Variants in NMT2 observed in about 807,000 individuals in gnomAD.
NMT2 encodes N-myristoyltransferase 2.
Under a neutral mutation model 65.4 loss-of-function variants are expected in NMT2, and 35 were observed. The ratio of observed to expected loss-of-function variants is 0.54; its 90% CI spans 0.41 to 0.71. NMT2 has a LOEUF of 0.71. NMT2 is among the 30% of genes least tolerant of loss of function. The pLI is 0.00. For synonymous variants in NMT2, 226 were observed against 231.8 expected (o/e 0.98, Z 0.23); for missense variants, 489 against 611.3 (o/e 0.80, Z 2.11).
chr10:15,143,908 T>A (rs960308110), intron 1 of NMT2, among the ~76,000 whole-genome samples: 1 of 152,084 alleles, frequency 6.6e-6, no homozygotes, highest in African/African-American at 2.4e-5. Context: ...CTAAAACAGA[T>A]AAACTCATGG....
chr10:15,135,533 C>T (rs976738253), intron 2 of NMT2, 115 bp from the exon 3 acceptor site: 1 of 1,057,920 alleles, frequency 9.5e-7, no homozygotes, highest in African/African-American at 1.6e-5. Flanking sequence ...AACAATCCTC[C>T]TCCAAGCCCA....
At chr10:15,160,266 G>A (rs2131629257) in intron 1 of NMT2, among the ~76,000 whole-genome samples, 1 of 152,274 alleles carries the variant, frequency 6.6e-6, no homozygotes, top group African/African-American at 2.4e-5. Context: ...GTGATTCCTG[G>A]GAGGAGGGTG....
intron 2 of NMT2, among the ~76,000 whole-genome samples, chr10:15,137,909 T>G (rs930318553): frequency 2.0e-5 from 3 of 152,136 alleles, no homozygotes; most frequent in Non-Finnish European, 4.4e-5. Context: ...AATTAGCTCA[T>G]GGGTTGACCA....
chr10:15,150,892 C>A (rs905608993), intron 1 of NMT2, among the ~76,000 whole-genome samples: 1 of 152,120 alleles, frequency 6.6e-6, no homozygotes, highest in Non-Finnish European at 1.5e-5. Flanking sequence ...ATCCCCCTTG[C>A]TAGCTTCTAG....
intron 1 of NMT2, among the ~76,000 whole-genome samples, chr10:15,165,029 G>A (rs946565923): frequency 1.3e-5 from 2 of 152,152 alleles, no homozygotes; most frequent in African/African-American, 4.8e-5. Flanking sequence ...TGGGCGTGGT[G>A]ATGCACGCCT....
rs1471754984 is a variant in NMT2 at position 15,107,336 on chromosome 10, G to T, written c.*1859C>A. 1 of 985,172 alleles carries T rather than the reference G, an allele frequency of 1.0e-6. No individual in the cohort carries two copies. The highest frequency in any genetic ancestry group is 1.2e-6 in the Non-Finnish European group (1 of 829,810). 61.0% of individuals were successfully genotyped at this position (985,172 alleles called of 1,614,324 possible). A position where few individuals can be genotyped will look rare whatever the true frequency, so the allele number is the denominator to read the frequency against. ...CCATAGTTTGGTGGCCCCTGCCTGG[G>T]ATAAGATATGATTGGTTTCACTGGA... On this transcript the variant is annotated 3_prime_UTR_variant, in exon 12 of 12. Transcript: ENST00000378165.
At chr10:15,139,289 TATCTATCC>T (rs1258775267) in intron 2 of NMT2, among the ~76,000 whole-genome samples, 3 of 146,590 alleles carry the variant, frequency 2.0e-5, no homozygotes, top group Admixed American at 6.7e-5. Flanking sequence ...TCTATCTATC[TATCTATCC>T]ATCCATCCAT....
At position 15,119,437 on chromosome 10, in the gene NMT2, A is replaced by C. The variant is rs909447093; in HGVS notation, c.1076T>G (p.Leu359Arg). ...CACTGGAGCCAGATGAAACTGCTTC[A>C]GGTAAGTGTTGATTAATTCTCGAAC... ...KSVRELINTY[L>R]KQFHLAPVMD... Residue 359 changes from leucine to arginine, a missense_variant, in exon 9 of 12, where the codon CTG (leucine) becomes CGG (arginine). Leu to Arg is a moderately radical substitution (Grantham distance 102, BLOSUM62 -2). Transcript: ENST00000378165. 6.2e-7 allele frequency: 1 copy of C among 1,614,112 alleles called. No individual in the cohort carries two copies. Among genetic ancestry groups the C allele is most frequent in the South Asian group, 1.1e-5 (1 of 91,088 alleles).
At chr10:15,156,938 C>T (rs1477708428) in intron 1 of NMT2, among the ~76,000 whole-genome samples, 1 of 151,862 alleles carries the variant, frequency 6.6e-6, no homozygotes, top group Non-Finnish European at 1.5e-5. Flanking sequence ...TTTTTAAAAA[C>T]TTCATTTGGA....
At chr10:15,146,092 A>T (rs1846954618) in intron 1 of NMT2, among the ~76,000 whole-genome samples, 2 of 152,102 alleles carry the variant, frequency 1.3e-5, no homozygotes, top group Admixed American at 6.5e-5. Flanking sequence ...GTCTTCAAGA[A>T]CTCAAGTCCC....
intron 1 of NMT2, among the ~76,000 whole-genome samples, chr10:15,166,214 T>TG (rs1242371222): frequency 1.3e-5 from 2 of 152,204 alleles, no homozygotes; most frequent in Non-Finnish European, 2.9e-5. Flanking sequence ...TACTGAGTGG[T>TG]GGGGTAAATG....
intron 8 of NMT2, among the ~76,000 whole-genome samples, chr10:15,126,122 T>C (rs1056655589): frequency 4.6e-5 from 7 of 151,738 alleles, no homozygotes; most frequent in African/African-American, 1.7e-4. Flanking sequence ...GTGATTTGGT[T>C]CTAACCAATA....
intron 9 of NMT2, among the ~76,000 whole-genome samples, chr10:15,114,933 C>T (rs1257820304): frequency 2.6e-5 from 4 of 151,854 alleles, no homozygotes; most frequent in Admixed American, 6.6e-5. Context: ...ACCCAAGAGG[C>T]GGAGGTTGCA....
chr10:15,167,478 T>C (rs1408360820), intron 1 of NMT2, among the ~76,000 whole-genome samples: 1 of 152,218 alleles, frequency 6.6e-6, no homozygotes, highest in Admixed American at 6.5e-5. Context: ...TCATGTTTTT[T>C]AAGCTGACCC....
chr10:15,159,200 C>T lies in NMT2; in HGVS notation c.110+9303G>A, dbSNP rs541650282. On this transcript the variant is annotated intron_variant, in intron 1 of 11. Coordinates refer to ENST00000378165, the MANE Select transcript of NMT2 (RefSeq NM_004808.3). ...TTCTTGGCCAGAAACCAGTGAGATC[C>T]TTTCTGGAGAATCTGAACTAAGGAA... is the stretch of plus-strand genomic sequence containing the variant. Among the ~76,000 whole-genome samples, 37 of 152,266 alleles carry T rather than the reference C, an allele frequency of 2.4e-4. No homozygotes were observed. In the South Asian group the frequency reaches 7.3e-3, roughly 30 times the overall value.
chr10:15,154,762 T>C (rs756474802), intron 1 of NMT2: 1 of 647,766 alleles, frequency 1.5e-6, no homozygotes, highest in East Asian at 3.4e-5. Context: ...ACAAAAGGAA[T>C]GGTCTGGTGG....
chr10:15,122,722 G>A (rs1392220843), intron 8 of NMT2, among the ~76,000 whole-genome samples: 5 of 152,188 alleles, frequency 3.3e-5, no homozygotes, highest in Admixed American at 6.5e-5. Flanking sequence ...CCTGGCCTAC[G>A]CTGTTAATAA....
chr10:15,130,274 T>C lies in NMT2; in HGVS notation c.758A>G (p.His253Arg). Reference protein sequence around the residue: ...KMVEINFLCVHKKLRSKRVAP... With the variant: ...KMVEINFLCVRKKLRSKRVAP... ...TACCCGTTTCGATCTCAACTTCTTA[T>C]GAACACAAAGAAAGTTGATTTCTAC... Residue 253 changes from histidine (H) to arginine (R), a missense_variant, in exon 7 of 12, where the codon CAT (histidine) becomes CGT (arginine). His to Arg is a conservative substitution (Grantham distance 29). Coordinates refer to ENST00000378165, the MANE Select transcript of NMT2 (RefSeq NM_004808.3). The C allele has an allele frequency of 6.2e-7, 1 of 1,602,252 alleles. No individual in the cohort carries two copies. Among genetic ancestry groups the C allele is most frequent in the Non-Finnish European group, 8.5e-7 (1 of 1,173,582 alleles).
chr10:15,144,558 C>T (rs995029131), intron 1 of NMT2, among the ~76,000 whole-genome samples: 1 of 152,128 alleles, frequency 6.6e-6, no homozygotes, highest in Non-Finnish European at 1.5e-5. Flanking sequence ...GGTGAAACTG[C>T]GTCTCTACTA....
Sources: allele counts gnomAD v4.1 joint callset (sites outside exome capture counted in the v4.1 genomes callset), GRCh38; gene constraint gnomAD v4.1.1; transcripts MANE v1.5; gene names NCBI Gene and HGNC (gene_info 2026-07-23, HGNC 2026-07-21).